The following DNAJC3 variants were observed in gnomAD, a reference collection of about 807,000 sequenced individuals.
DNAJC3 encodes DnaJ heat shock protein family (Hsp40) member C3, also known as dnaJ homolog subfamily C member 3.
In DNAJC3, 38 loss-of-function variants were observed where a neutral mutation model predicts 68.6. The observed-to-expected ratio is 0.55, with a 90% CI of 0.43 to 0.73. The LOEUF is 0.73. Among genes scored for constraint, DNAJC3 ranks in the 30% least tolerant of loss-of-function variants. The pLI, the probability that DNAJC3 is intolerant of heterozygous loss-of-function variation, is 0.00. For missense variants in DNAJC3, 526 were observed against 591.9 expected, an observed-to-expected ratio of 0.89 and a Z score of 1.16; for synonymous variants, 203 against 204.0, an observed-to-expected ratio of 1.00 and a Z score of 0.04.
intron 9 of DNAJC3, among the ~76,000 whole-genome samples, chr13:95,775,807 A>G (rs2139688060): frequency 6.6e-6 from 1 of 152,262 alleles, no homozygotes; most frequent in East Asian, 1.9e-4. Flanking sequence ...TTGTTCACAG[A>G]TGGCCACACT....
At chr13:95,761,032 T>C (rs1279417431) in intron 7 of DNAJC3, among the ~76,000 whole-genome samples, 1 of 152,250 alleles carries the variant, frequency 6.6e-6, no homozygotes, top group East Asian at 1.9e-4. Flanking sequence ...ATACCAAATA[T>C]TTATTATCTC....
chr13:95,691,034 CT>C (rs1365331963), intron 1 of DNAJC3, among the ~76,000 whole-genome samples: 13 of 143,176 alleles, frequency 9.1e-5, no homozygotes, highest in Non-Finnish European at 2.0e-4. Context: ...CCCCACCTCC[CT>C]CCTGGATGGA....
At chr13:95,728,641 A>C (rs1881604497) in intron 4 of DNAJC3, among the ~76,000 whole-genome samples, 1 of 152,166 alleles carries the variant, frequency 6.6e-6, no homozygotes, top group South Asian at 2.1e-4. Context: ...TCTTCACAGG[A>C]TGTTTTATAG....
chr13:95,721,632 ATG>A (rs1244413377), intron 2 of DNAJC3, among the ~76,000 whole-genome samples: 1 of 149,994 alleles, frequency 6.7e-6, no homozygotes, highest in African/African-American at 2.5e-5. Context: ...TGGTATCTCA[ATG>A]TGTGTGTTTT....
At chr13:95,740,464 C>G (rs373433653) in intron 4 of DNAJC3, among the ~76,000 whole-genome samples, 10,219 of 152,150 alleles carry the variant, frequency 0.067, 375 homozygotes, top group East Asian at 0.18. Context: ...ATCAGCGAGA[C>G]TCCGTGGGCG....
rs1336031860 is a variant in DNAJC3, at chr13:95,792,366, A to ATAGAT, written c.*1337_*1341dup. ...TTGAAAGCTGAAGGAATTACTTTAG[A>ATAGAT]TAGATAGGAATTGCTACCTTTATTC... On this transcript the variant is annotated 3_prime_UTR_variant, in exon 12 of 12. Coordinates refer to ENST00000602402, the MANE Select transcript of DNAJC3 (RefSeq NM_006260.5). The ATAGAT allele has an allele frequency of 6.6e-6, 1 of 152,224 alleles. No individual in the cohort carries two copies. The allele number at this position is 152,224 out of a possible 1,614,324, so 9.4% of individuals were successfully genotyped here. A position where few individuals can be genotyped will look rare whatever the true frequency, so the allele number is the denominator to read the frequency against.
chr13:95,758,579 C>T (rs1882733347), intron 5 of DNAJC3, among the ~76,000 whole-genome samples: 1 of 150,060 alleles, frequency 6.7e-6, no homozygotes, highest in East Asian at 2.0e-4. Flanking sequence ...CAGTGAGCCA[C>T]TACACTGTAG....
chr13:95,707,498 T>G (rs1455721423), intron 1 of DNAJC3, among the ~76,000 whole-genome samples: 1 of 152,180 alleles, frequency 6.6e-6, no homozygotes, highest in Non-Finnish European at 1.5e-5. Flanking sequence ...TACTGTGGAT[T>G]ACTAGCATTT....
chr13:95,766,486 A>G (rs1198602329), intron 9 of DNAJC3, among the ~76,000 whole-genome samples: 1 of 152,240 alleles, frequency 6.6e-6, no homozygotes, highest in Non-Finnish European at 1.5e-5. Context: ...AGGTGTCCTT[A>G]TGAAATGATC....
intron 7 of DNAJC3, among the ~76,000 whole-genome samples, chr13:95,761,354 G>A (rs1038900358): frequency 2.0e-5 from 3 of 152,154 alleles, no homozygotes; most frequent in Admixed American, 2.0e-4. Context: ...GTCTGTGTGA[G>A]TGTTGTTTGT....
intron 4 of DNAJC3, among the ~76,000 whole-genome samples, chr13:95,741,480 A>G (rs910124011): frequency 2.6e-5 from 4 of 152,306 alleles, no homozygotes; most frequent in Non-Finnish European, 4.4e-5. Flanking sequence ...TGCCTAACTT[A>G]GGGCTTCAAG....
intron 2 of DNAJC3, among the ~76,000 whole-genome samples, chr13:95,722,836 C>A (rs112865714): frequency 6.4e-5 from 2 of 31,232 alleles, no homozygotes; most frequent in Non-Finnish European, 9.8e-5. Context: ...CCCCCCCCCC[C>A]CCCGCCGAAA....
chr13:95,750,343 C>CT (rs898536533), intron 4 of DNAJC3, among the ~76,000 whole-genome samples: 8 of 151,716 alleles, frequency 5.3e-5, no homozygotes, highest in African/African-American at 1.9e-4. Context: ...CTGATCTGCC[C>CT]TTTAAGGTTT....
At chr13:95,751,828 T>C (rs1255605335) in intron 4 of DNAJC3, among the ~76,000 whole-genome samples, 1 of 152,120 alleles carries the variant, frequency 6.6e-6, no homozygotes, top group East Asian at 1.9e-4. Context: ...ACAATCATGG[T>C]GGAAGGTGAA....
At chr13:95,723,465 G>C (rs1212880547) in intron 3 of DNAJC3, 99 bp downstream of exon 3, 3 of 1,348,656 alleles carry the variant, frequency 2.2e-6, no homozygotes, top group Non-Finnish European at 2.0e-6. Context: ...GACATAGCTG[G>C]AAGAGATCAA....
In DNAJC3 at chr13:95,700,591, G is replaced by A. The variant is rs144150684; in HGVS notation, c.83-8636G>A. 3.6e-3 allele frequency among the ~76,000 whole-genome samples: 542 copies of A among 152,324 alleles called. 4 individuals carry two copies. Among genetic ancestry groups the A allele is most frequent in the African/African-American group, 0.012 (516 of 41,580 alleles). ...GCTACTGTGTTTAGAAGGAGAAAGA[G>A]CAAGGTAAAGTGAATTCCAATCAGC... On this transcript the variant is annotated intron_variant, in intron 1 of 11. Coordinates refer to ENST00000602402, the MANE Select transcript of DNAJC3 (RefSeq NM_006260.5).
chr13:95,760,809 G>T lies in DNAJC3; in HGVS notation c.848+11G>T. On this transcript the variant is annotated intron_variant, in intron 7 of 11. Coordinates refer to ENST00000602402, the MANE Select transcript of DNAJC3 (RefSeq NM_006260.5). Reference sequence around the variant, plus strand: ...CATCAGAGATGGCAGGTGAGAATATGGTTGTTCCAACTGTCCAGCCATTCC... The same window carrying T: ...CATCAGAGATGGCAGGTGAGAATATTGTTGTTCCAACTGTCCAGCCATTCC... 1 of 1,608,436 alleles carries T rather than the reference G, an allele frequency of 6.2e-7. No individual in the cohort carries two copies. Among genetic ancestry groups the T allele is most frequent in the Non-Finnish European group, 8.5e-7 (1 of 1,177,348 alleles).
chr13:95,774,729 C>T (rs778524791), intron 9 of DNAJC3, among the ~76,000 whole-genome samples: 3 of 152,104 alleles, frequency 2.0e-5, no homozygotes, highest in African/African-American at 7.2e-5. Flanking sequence ...ACTCAGTGTT[C>T]CTGTTGATCA....
In DNAJC3 at chr13:95,785,939, C is replaced by T; in HGVS notation, c.1076C>T (p.Ala359Val). 2 of 1,581,490 alleles carry T rather than the reference C, an allele frequency of 1.3e-6. No homozygotes were observed. The highest frequency in any genetic ancestry group is 1.7e-6 in the Non-Finnish European group (2 of 1,169,020). The change falls in exon 10 of 12, where the codon GCT becomes GTT. Residue 359 changes from alanine to valine, a missense_variant and splice_region_variant. Physicochemically the swap from Ala to Val is moderately conservative, Grantham distance 64 (BLOSUM62 0). Transcript: ENST00000602402. Reference sequence around the variant, plus strand: ...TATTATCTTAAACATATTTTGACAGCTATTCAGGATTATGAAACTGCTCAG... The same window carrying T: ...TATTATCTTAAACATATTTTGACAGTTATTCAGGATTATGAAACTGCTCAG... ...AYLIEEMYDE[A>V]IQDYETAQEH...
Sources: gnomAD v4.1 joint callset for allele counts (sites outside exome capture counted in the v4.1 genomes callset) on GRCh38, gnomAD v4.1.1 for gene constraint, MANE v1.5 for transcripts, NCBI Gene and HGNC (gene_info 2026-07-23, HGNC 2026-07-21) for gene names.